Variants in LMBRD1 observed in about 807,000 individuals in gnomAD.
LMBRD1 encodes the protein LMBR1 domain containing 1.
In LMBRD1, 64 loss-of-function variants were observed where a neutral mutation model predicts 74.8. That is an observed-to-expected ratio of 0.86 (90% CI 0.70 to 1.05). The LOEUF (loss-of-function observed/expected upper bound fraction) is 1.05, where lower values mean the gene tolerates loss of function less well. LMBRD1 is among the 50% of genes least tolerant of loss of function. The pLI is 0.00. For missense variants in LMBRD1, 652 were observed against 645.9 expected (o/e 1.01, Z -0.10); for synonymous variants, 204 against 216.3 (o/e 0.94, Z 0.50).
At chr6:69,740,860 CTTTCTAATGCCAGTTATT>C (rs1767086795) in intron 6 of LMBRD1, among the ~76,000 whole-genome samples, 1 of 152,116 alleles carries the variant, frequency 6.6e-6, no homozygotes, top group Admixed American at 6.5e-5. Context: ...TTTAATATCA[CTTTCTAATGCCAGTTATT>C]TTTTCAATGA....
chr6:69,677,201 T>C (rs6455338), intron 14 of LMBRD1, among the ~76,000 whole-genome samples: 55,040 of 151,960 alleles, frequency 0.36, 10,550 homozygotes, highest in East Asian at 0.54. Flanking sequence ...TATAACCAAA[T>C]GGTAACAGAC....
chr6:69,763,234 G>GA (rs35769776), intron 3 of LMBRD1, among the ~76,000 whole-genome samples: 66,575 of 135,304 alleles, frequency 0.49, 15,263 homozygotes, highest in East Asian at 0.62. Flanking sequence ...AAAGAAAAAA[G>GA]AAAAAAAAAA....
chr6:69,737,949 G>T lies in LMBRD1; in HGVS notation c.629C>A (p.Thr210Asn). Residue 210 changes from threonine (T) to asparagine (N), a missense_variant, in exon 7 of 16, where the codon ACT (threonine) becomes AAT (asparagine). Around this residue, in one of 3 missense-constraint regions of LMBRD1, gnomAD observed 598 missense variants for 581.8 expected, o/e 1.03. Transcript: ENST00000649934. ...LTLIGMLAAITYTAYGMSALP... is the reference protein window; with the variant it reads ...LTLIGMLAAINYTAYGMSALP... ...TATCCCCATTTCACTTACTGTGTAA[G>T]TTATAGCTGCCAACATTCCAATCAA... is the stretch of plus-strand genomic sequence containing the variant. 1 of 1,609,110 alleles carries T rather than the reference G, an allele frequency of 6.2e-7. No homozygotes were observed. The highest frequency in any genetic ancestry group is 8.5e-7 in the Non-Finnish European group (1 of 1,176,514).
chr6:69,690,172 T>C (rs1351276454), intron 14 of LMBRD1, among the ~76,000 whole-genome samples: 1 of 152,074 alleles, frequency 6.6e-6, no homozygotes, highest in East Asian at 1.9e-4. Context: ...CTAACACAGA[T>C]TTTTGCAAGT....
intron 2 of LMBRD1, among the ~76,000 whole-genome samples, chr6:69,780,812 A>G (rs1251706504): frequency 6.6e-6 from 1 of 152,248 alleles, no homozygotes; most frequent in Non-Finnish European, 1.5e-5. Flanking sequence ...CTTCTCAAAA[A>G]TGACTAAACT....
In LMBRD1 at chr6:69,762,844, G is replaced by A. The variant is rs147335720; in HGVS notation, c.308-10488C>T. Among the ~76,000 whole-genome samples, 1,280 of 152,242 alleles carry A rather than the reference G, an allele frequency of 8.4e-3. 13 individuals carry two copies. The highest frequency in any genetic ancestry group is 0.026 in the African/African-American group (1,080 of 41,542). On this transcript the variant is annotated intron_variant, in intron 3 of 15. Transcript: ENST00000649934. ...TCTACAAGCAAGGAAAAGGGTCTCC[G>A]CCAGGACTGAAGTTGTTGAGACCTT...
chr6:69,690,530 A>G (rs1350967574), intron 14 of LMBRD1, among the ~76,000 whole-genome samples: 1 of 152,170 alleles, frequency 6.6e-6, no homozygotes, highest in Non-Finnish European at 1.5e-5. Flanking sequence ...TTGGTAATAA[A>G]TTCATGCTTT....
At chr6:69,730,751 G>A (rs747623561) in intron 7 of LMBRD1, among the ~76,000 whole-genome samples, 12 of 152,098 alleles carry the variant, frequency 7.9e-5, no homozygotes, top group Non-Finnish European at 1.5e-4. Flanking sequence ...TGCATCGGTA[G>A]TAAAGAAAAT....
chr6:69,715,762 T>C (rs1187910872), intron 8 of LMBRD1, among the ~76,000 whole-genome samples: 1 of 152,106 alleles, frequency 6.6e-6, no homozygotes, highest in Non-Finnish European at 1.5e-5. Context: ...TTCCTGATCT[T>C]CTCCCTCCTT....
intron 14 of LMBRD1, among the ~76,000 whole-genome samples, chr6:69,694,020 G>A (rs137904084): frequency 6.6e-6 from 1 of 151,886 alleles, no homozygotes; most frequent in Non-Finnish European, 1.5e-5. Context: ...AAATGTTTAA[G>A]AAAAAATATT....
chr6:69,728,746 C>T (rs1219813774), intron 7 of LMBRD1, among the ~76,000 whole-genome samples: 1 of 152,160 alleles, frequency 6.6e-6, no homozygotes, highest in Admixed American at 6.5e-5. Context: ...CTCTAATACC[C>T]AAGTCAATAT....
At chr6:69,676,730 A>G (rs1765554891) in intron 14 of LMBRD1, among the ~76,000 whole-genome samples, 189 bp from the exon 15 acceptor site, 1 of 152,172 alleles carries the variant, frequency 6.6e-6, no homozygotes, top group African/African-American at 2.4e-5. Context: ...TGTAGTGTTA[A>G]AAACTGCCAA....
chr6:69,721,483 C>G (rs1235501464), intron 7 of LMBRD1, among the ~76,000 whole-genome samples: 1 of 152,092 alleles, frequency 6.6e-6, no homozygotes, highest in Non-Finnish European at 1.5e-5. Context: ...CACCTTGGAC[C>G]AAAAGTGGAT....
intron 12 of LMBRD1, among the ~76,000 whole-genome samples, chr6:69,699,945 G>C (rs1231774049): frequency 6.6e-6 from 1 of 151,814 alleles, no homozygotes; most frequent in Non-Finnish European, 1.5e-5. Context: ...AAGGAAAGCA[G>C]AAGTCTGTTA....
At chr6:69,715,728 G>A (rs1012154182) in intron 8 of LMBRD1, among the ~76,000 whole-genome samples, 9 of 151,674 alleles carry the variant, frequency 5.9e-5, no homozygotes, top group Admixed American at 4.0e-4. Context: ...ATGTATTTAC[G>A]ATGTCTTATT....
rs1235225361 is a variant in LMBRD1, at chr6:69,790,404, G to C, written c.138C>G (p.Ser46=). 1.9e-6 allele frequency: 3 copies of C among 1,613,926 alleles called. No individual in the cohort carries two copies. In the Admixed American group the frequency reaches 5.0e-5, roughly 27 times the overall value. ...CTAGAGAAAAAATTGCTGTTATGGT[G>C]GAGACAACTTCACTTTCCCGCCGAC... ...YQSRRESEVV[S]TITAIFSLAI... The change falls in exon 2 of 16, where the codon TCC becomes TCG. Residue 46 remains serine, a synonymous_variant. Coordinates refer to ENST00000649934, the MANE Select transcript of LMBRD1 (RefSeq NM_018368.4).
intron 15 of LMBRD1, 39 bp from the exon 16 acceptor site, chr6:69,676,310 T>G: frequency 6.3e-7 from 1 of 1,599,546 alleles, no homozygotes; most frequent in Non-Finnish European, 8.5e-7. Flanking sequence ...TTTTCAAATT[T>G]AAAATCATCT....
chr6:69,775,018 G>GGAGC lies in LMBRD1; in HGVS notation c.307+5475_307+5476insGCTC, dbSNP rs1562121856. ...GGGAGGGAGGGAGGGAGGGAGGGAG[G>GGAGC]GAGGGAGGGAGGGAGGGAAGGAAGG... is the stretch of plus-strand genomic sequence containing the variant. On this transcript the variant is annotated intron_variant, in intron 3 of 15. Coordinates refer to ENST00000649934, the MANE Select transcript of LMBRD1 (RefSeq NM_018368.4). Among the ~76,000 whole-genome samples, 29 of 94,800 alleles carry GGAGC rather than the reference G, an allele frequency of 3.1e-4. 4 individuals carry two copies. The highest frequency in any genetic ancestry group is 1.6e-3 in the African/African-American group (26 of 16,124). The allele number at this position is 94,800 out of a possible 152,430, so 62.2% of individuals were successfully genotyped here.
chr6:69,749,454 A>C, intron 4 of LMBRD1, 46 bp from the exon 5 acceptor site: 1 of 1,412,512 alleles, frequency 7.1e-7, no homozygotes. Context: ...AAGCCCTTTA[A>C]AATATAAAAT....
Sources: gnomAD v4.1 joint callset for allele counts (sites outside exome capture counted in the v4.1 genomes callset) on GRCh38, gnomAD v4.1.1 for gene constraint, gnomAD v4.1.1 regional missense constraint, MANE v1.5 for transcripts, NCBI Gene and HGNC (gene_info 2026-07-23, HGNC 2026-07-21) for gene names.